Variants in DNAI4 observed in about 807,000 individuals in gnomAD.
The protein encoded by DNAI4 is dynein axonemal intermediate chain 4.
Under a neutral mutation model 105.8 loss-of-function variants are expected in DNAI4, and 85 were observed. The observed-to-expected ratio is 0.80, with a 90% CI of 0.67 to 0.96. DNAI4 has a LOEUF of 0.96. DNAI4 is among the 40% of genes least tolerant of loss of function. The pLI, the probability that DNAI4 is intolerant of heterozygous loss-of-function variation, is 0.00. For missense variants in DNAI4, 1,014 were observed against 1,005.6 expected (o/e 1.01, Z -0.11); for synonymous variants, 352 against 331.5 (o/e 1.06, Z -0.67).
At chr1:66,836,262 AAGAAAGAAAGAAAGAAAG>A (rs1646011397) in intron 10 of DNAI4, among the ~76,000 whole-genome samples, 1 of 11,716 alleles carries the variant, frequency 8.5e-5, no homozygotes, top group Non-Finnish European at 1.9e-4. Flanking sequence ...GAGAGAAAGA[AAGAAAGAAAGAAAGAAAG>A]AAAGAAAGAA....
intron 13 of DNAI4, among the ~76,000 whole-genome samples, chr1:66,829,800 T>C (rs78974119): frequency 0.06 from 9,067 of 152,278 alleles, 347 homozygotes; most frequent in South Asian, 0.1. Flanking sequence ...TTTACCAATA[T>C]AGACCACATA....
chr1:66,858,365 T>TA lies in DNAI4; in HGVS notation c.1096+3781dup, dbSNP rs540647591. 7.0e-3 allele frequency among the ~76,000 whole-genome samples: 1,041 copies of TA among 149,690 alleles called. 14 individuals carry two copies. The highest frequency in any genetic ancestry group is 0.025 in the African/African-American group (997 of 40,616). On this transcript the variant is annotated intron_variant, in intron 7 of 16. Coordinates refer to ENST00000371026, the MANE Select transcript of DNAI4 (RefSeq NM_024763.5). ...TAACATAGTGAAACCCCGTCTCTAC[T>TA]AAAAAAAATACAAAAAAATTAGCCG... is the stretch of plus-strand genomic sequence containing the variant.
chr1:66,873,900 C>A (rs1569696447), intron 5 of DNAI4, among the ~76,000 whole-genome samples: 1 of 83,204 alleles, frequency 1.2e-5, no homozygotes. Flanking sequence ...TCCCTTCCTT[C>A]TTATGAGCTT....
chr1:66,834,112 T>C lies in DNAI4; in HGVS notation c.1770A>G (p.Gln590=), dbSNP rs1190298042. ...SPQKHLGPVW[Q]LQWIEQDRGT... Reference sequence around the variant, plus strand: ...CTCGATCTTGTTCTATCCACTGTAGTTGCCATACAGGTCCCAAATGTTTTT... The same window carrying C: ...CTCGATCTTGTTCTATCCACTGTAGCTGCCATACAGGTCCCAAATGTTTTT... Residue 590 remains glutamine (Q), a synonymous_variant, in exon 12 of 17, where the codon CAA becomes CAG. Transcript: ENST00000371026. 6 of 1,608,792 alleles carry C rather than the reference T, an allele frequency of 3.7e-6. No homozygotes were observed. The Admixed American group carries it at 1.0e-4, about 27-fold the overall frequency.
In DNAI4 at chr1:66,830,906, G is replaced by A. The variant is rs184156024; in HGVS notation, c.2013+2679C>T. Among the ~76,000 whole-genome samples, 226 of 145,870 alleles carry A rather than the reference G, an allele frequency of 1.5e-3. 1 individual carries two copies. The highest frequency in any genetic ancestry group is 2.8e-3 in the Admixed American group (39 of 14,116). The stretch of plus-strand genomic sequence containing the variant: ...GTGGGAGGATAGCTTGAGCCCAGGA[G>A]TTCAGAGTTACAGTGAGCTATAATC... On this transcript the variant is annotated intron_variant, in intron 13 of 16. Coordinates refer to ENST00000371026, the MANE Select transcript of DNAI4 (RefSeq NM_024763.5).
rs536527466 is a variant in DNAI4 at position 66,914,029 on chromosome 1, C to G, written c.171-8654G>C. 2.0e-5 allele frequency among the ~76,000 whole-genome samples: 3 copies of G among 150,274 alleles called. No homozygotes were observed. The East Asian group carries it at 5.9e-4, about 29-fold the overall frequency. On this transcript the variant is annotated intron_variant, in intron 1 of 16. Coordinates refer to ENST00000371026, the MANE Select transcript of DNAI4 (RefSeq NM_024763.5). ...GTGGAAACGACTCAGTGGTGACACA[C>G]AGTGGAGTCCTGTCCACAAACGGCA...
intron 5 of DNAI4, 73 bp downstream of exon 5, chr1:66,874,708 A>T: frequency 6.6e-7 from 1 of 1,505,856 alleles, no homozygotes; most frequent in Non-Finnish European, 8.9e-7. Context: ...GACCCTTCAC[A>T]GAAACAAGGA....
intron 3 of DNAI4, among the ~76,000 whole-genome samples, 166 bp downstream of exon 3, chr1:66,893,063 G>GAGAGAGAGAAAGAAAGAAAGAA (rs879150798): frequency 4.5e-5 from 4 of 89,550 alleles, no homozygotes; most frequent in African/African-American, 2.0e-4. Context: ...AAGAGAGAGA[G>GAGAGAGAGAAAGAAAGAAAGAA]AGAAAGAAAG....
In DNAI4 at chr1:66,917,161, A is replaced by C. The variant is rs574732974; in HGVS notation, c.170+7501T>G. Among the ~76,000 whole-genome samples, 15 of 152,334 alleles carry C rather than the reference A, an allele frequency of 9.8e-5. No homozygotes were observed. In the South Asian group the frequency reaches 2.5e-3, roughly 25 times the overall value. On this transcript the variant is annotated intron_variant, in intron 1 of 16. Transcript: ENST00000371026. ...AATGATGTTTGGTTTTCTTTGGGCT[A>C]TATTTGTATAAATGTTATTGGTATG...
At chr1:66,892,954 AAAG>A (rs1321367572) in intron 3 of DNAI4, among the ~76,000 whole-genome samples, 2 of 82,560 alleles carry the variant, frequency 2.4e-5, no homozygotes, top group African/African-American at 1.2e-4. Context: ...GAAAGAGAAG[AAAG>A]AAAGAAAGAA....
chr1:66,843,221 G>T (rs1183062773), intron 8 of DNAI4, among the ~76,000 whole-genome samples: 1 of 91,656 alleles, frequency 1.1e-5, no homozygotes, highest in African/African-American at 4.1e-5. Context: ...AAGGTGGGGG[G>T]TGGGGGGGAG....
intron 4 of DNAI4, among the ~76,000 whole-genome samples, chr1:66,876,085 A>AT (rs1367310338): frequency 1.3e-5 from 2 of 151,852 alleles, no homozygotes; most frequent in African/African-American, 4.8e-5. Context: ...ATATTCTTTA[A>AT]TTTTTTTCTA....
chr1:66,876,814 G>T (rs1646968073), intron 4 of DNAI4, among the ~76,000 whole-genome samples: 1 of 151,730 alleles, frequency 6.6e-6, no homozygotes, highest in Non-Finnish European at 1.5e-5. Context: ...AATGATGGAG[G>T]GAACATCTAC....
chr1:66,874,896 T>G lies in DNAI4; in HGVS notation c.685A>C (p.Lys229Gln), dbSNP rs1445026403. 1 of 1,612,396 alleles carries G rather than the reference T, an allele frequency of 6.2e-7. No individual in the cohort carries two copies. Among genetic ancestry groups the G allele is most frequent in the Non-Finnish European group, 8.5e-7 (1 of 1,179,504 alleles). The change falls in exon 5 of 17, where the codon AAA becomes CAA. Residue 229 changes from lysine (K) to glutamine (Q), a missense_variant. Transcript: ENST00000371026. ...TCTATATTCTTCTCCAGGTCTTCTT[T>G]TGTTACAATTTTTTCAGGTGCTGCC... ...IRAAPEKIVTKEDLEKNIEII... is the reference protein window; with the variant it reads ...IRAAPEKIVTQEDLEKNIEII...
intron 4 of DNAI4, among the ~76,000 whole-genome samples, chr1:66,885,503 GT>G (rs1199673694): frequency 6.6e-6 from 1 of 152,056 alleles, no homozygotes; most frequent in East Asian, 1.9e-4. Flanking sequence ...AAAGATTTTT[GT>G]TTCACTCTTT....
At chr1:66,858,145 C>A (rs1486916210) in intron 7 of DNAI4, among the ~76,000 whole-genome samples, 1 of 152,056 alleles carries the variant, frequency 6.6e-6, no homozygotes, top group Non-Finnish European at 1.5e-5. Context: ...CTTTCCAACT[C>A]ATTTTATTAG....
intron 6 of DNAI4, among the ~76,000 whole-genome samples, chr1:66,866,429 C>G (rs1035046875): frequency 2.0e-5 from 3 of 152,126 alleles, no homozygotes; most frequent in African/African-American, 7.2e-5. Flanking sequence ...TAGCAAGCAT[C>G]TAGGTTATGG....
intron 15 of DNAI4, among the ~76,000 whole-genome samples, chr1:66,824,323 T>C (rs1057325660): frequency 4.0e-5 from 6 of 150,022 alleles, no homozygotes; most frequent in East Asian, 3.9e-4. Context: ...CCTTGTAGTA[T>C]AGTTTGAAGT....
At chr1:66,891,099 G>A (rs1195212042) in intron 4 of DNAI4, 55 bp downstream of exon 4, 1 of 1,254,570 alleles carries the variant, frequency 8.0e-7, no homozygotes, top group Non-Finnish European at 1.2e-6. Context: ...CCAATAATAA[G>A]CATATTGACT....
Sources: allele counts gnomAD v4.1 joint callset (sites outside exome capture counted in the v4.1 genomes callset), GRCh38; gene constraint gnomAD v4.1.1; transcripts MANE v1.5; gene names NCBI Gene and HGNC (gene_info 2026-07-23, HGNC 2026-07-21).